Variants in PRKCH observed in about 807,000 individuals in gnomAD.
PRKCH encodes the protein protein kinase C eta.
A neutral mutation model predicts 82.5 loss-of-function variants in PRKCH; 28 were observed. The observed-to-expected ratio is 0.34, with a 90% confidence interval of 0.25 to 0.47. The LOEUF is 0.47. Among genes scored for constraint, PRKCH ranks in the 20% least tolerant of loss-of-function variants. The pLI, the probability that PRKCH is intolerant of heterozygous loss-of-function variation, is 1.00. For synonymous variants in PRKCH, 322 were observed against 327.4 expected (o/e 0.98, Z 0.18); for missense variants, 705 against 881.8 (o/e 0.80, Z 2.54).
chr14:61,337,813 T>A (rs2045878853), intron 1 of PRKCH, among the ~76,000 whole-genome samples: 1 of 152,358 alleles, frequency 6.6e-6, no homozygotes, highest in Admixed American at 6.5e-5. Flanking sequence ...CAGTTGATTT[T>A]AAGTGAAAGG....
intron 2 of PRKCH, among the ~76,000 whole-genome samples, chr14:61,426,116 TA>T (rs1455197634): frequency 6.6e-6 from 1 of 152,230 alleles, no homozygotes; most frequent in East Asian, 1.9e-4. Context: ...GAGAACAGAC[TA>T]ATACAATAAC....
At chr14:61,506,766 C>G (rs1290951510) in intron 10 of PRKCH, among the ~76,000 whole-genome samples, 1 of 152,184 alleles carries the variant, frequency 6.6e-6, no homozygotes, top group Non-Finnish European at 1.5e-5. Context: ...AAGAAAGCTC[C>G]TACAGGCAGA....
chr14:61,538,678 G>A (rs2043143790), intron 12 of PRKCH, among the ~76,000 whole-genome samples: 1 of 152,176 alleles, frequency 6.6e-6, no homozygotes, highest in African/African-American at 2.4e-5. Context: ...TTTGCTAACC[G>A]GTGTCTGTGG....
At chr14:61,265,860 T>C (rs2140082859) in intron 1 of PRKCH, among the ~76,000 whole-genome samples, 1 of 152,238 alleles carries the variant, frequency 6.6e-6, no homozygotes, top group South Asian at 2.1e-4. Context: ...TCTGGAAGGA[T>C]GAGGTAGGAG....
chr14:61,262,527 C>T (rs1239844250), intron 1 of PRKCH, among the ~76,000 whole-genome samples: 1 of 152,012 alleles, frequency 6.6e-6, no homozygotes, highest in African/African-American at 2.4e-5. Flanking sequence ...AAGAAGTCAC[C>T]TTTGGCAAAG....
intron 1 of PRKCH, among the ~76,000 whole-genome samples, chr14:61,369,954 T>A (rs2046344241): frequency 6.6e-6 from 1 of 151,984 alleles, no homozygotes. Flanking sequence ...GTATGGTTTT[T>A]TATTTTTATT....
At chr14:61,358,844 T>A (rs2046185535) in intron 1 of PRKCH, among the ~76,000 whole-genome samples, 3 of 152,162 alleles carry the variant, frequency 2.0e-5, no homozygotes, top group Non-Finnish European at 2.9e-5. Flanking sequence ...CCACCTTTGT[T>A]AGCGACACTG....
chr14:61,443,257 A>G lies in PRKCH; in HGVS notation c.574A>G (p.Ile192Val). The change falls in exon 3 of 14, where the codon ATC becomes GTC. Residue 192 changes from isoleucine to valine, a missense_variant. Ile to Val is a conservative substitution (Grantham distance 29). Around this residue, in one of 5 missense-constraint regions of PRKCH, gnomAD observed 246 missense variants for 308.0 expected, o/e 0.80. Transcript: ENST00000332981. ...CTACTGCTCTCACTGCAGGGAGTTTATCTGGTAAGGGGTTCCCTTACTTCT... is the reference window on the plus strand; with the variant it reads ...CTACTGCTCTCACTGCAGGGAGTTTGTCTGGTAAGGGGTTCCCTTACTTCT... ...PTYCSHCREF[I>V]WGVFGKQGYQ... 1 of 1,613,736 alleles carries G rather than the reference A, an allele frequency of 6.2e-7. No homozygotes were observed. Among genetic ancestry groups the G allele is most frequent in the Non-Finnish European group, 8.5e-7 (1 of 1,179,774 alleles).
chr14:61,378,419 C>T lies in PRKCH; in HGVS notation c.364-12806C>T, dbSNP rs557575722. On this transcript the variant is annotated intron_variant, in intron 1 of 13. Coordinates refer to ENST00000332981, the MANE Select transcript of PRKCH (RefSeq NM_006255.5). ...ATGGGGTCTTATTTTGTTGCTTAGG[C>T]TGTTCTGGAGCTCTGGCCTCAAGTG... 3.1e-4 allele frequency among the ~76,000 whole-genome samples: 47 copies of T among 152,038 alleles called. No homozygotes were observed. In the South Asian group the frequency reaches 9.6e-3, roughly 31 times the overall value.
intron 10 of PRKCH, among the ~76,000 whole-genome samples, chr14:61,512,000 T>A (rs1299527252): frequency 1.3e-5 from 2 of 152,152 alleles, no homozygotes; most frequent in Non-Finnish European, 2.9e-5. Context: ...TTCAAATAAT[T>A]CATGTTTTTC....
intron 2 of PRKCH, among the ~76,000 whole-genome samples, chr14:61,416,282 T>C (rs1882558155): frequency 6.6e-6 from 1 of 152,062 alleles, no homozygotes; most frequent in Admixed American, 6.6e-5. Flanking sequence ...CTTGAACTCC[T>C]GGGCTCAAGT....
intron 1 of PRKCH, among the ~76,000 whole-genome samples, chr14:61,357,189 T>C (rs2046161820): frequency 6.6e-6 from 1 of 152,202 alleles, no homozygotes; most frequent in Non-Finnish European, 1.5e-5. Context: ...TGCGTGAACT[T>C]CCAAGCTATA....
intron 2 of PRKCH, among the ~76,000 whole-genome samples, chr14:61,427,777 G>A (rs1169548426): frequency 6.6e-6 from 1 of 151,892 alleles, no homozygotes; most frequent in Non-Finnish European, 1.5e-5. Context: ...GTAGAGACAG[G>A]GTTTCATCAT....
At chr14:61,446,443 T>C (rs1004084506) in intron 4 of PRKCH, among the ~76,000 whole-genome samples, 2 of 152,220 alleles carry the variant, frequency 1.3e-5, no homozygotes, top group Admixed American at 6.5e-5. Context: ...TGGTACCTGT[T>C]TCACTATGTG....
chr14:61,414,985 C>G (rs1208082314), intron 2 of PRKCH, among the ~76,000 whole-genome samples: 1 of 152,130 alleles, frequency 6.6e-6, no homozygotes, highest in African/African-American at 2.4e-5. Flanking sequence ...TCTCATAGGG[C>G]CTTTCATCTG....
At chr14:61,497,472 T>C (rs1886720703) in intron 10 of PRKCH, among the ~76,000 whole-genome samples, 1 of 152,222 alleles carries the variant, frequency 6.6e-6, no homozygotes, top group African/African-American at 2.4e-5. Flanking sequence ...CAAACACATG[T>C]TCCAGTGACG....
intron 2 of PRKCH, among the ~76,000 whole-genome samples, chr14:61,423,591 A>C (rs1445614714): frequency 6.6e-6 from 1 of 152,180 alleles, no homozygotes; most frequent in Non-Finnish European, 1.5e-5. Flanking sequence ...GGGAGGAGTG[A>C]CATGAGTGGA....
intron 12 of PRKCH, among the ~76,000 whole-genome samples, chr14:61,536,413 G>A (rs927001419): frequency 3.3e-5 from 5 of 152,020 alleles, no homozygotes; most frequent in African/African-American, 7.2e-5. Flanking sequence ...ATCCTTTCCC[G>A]GCCTGCTGGA....
Position 61,529,145 on chromosome 14 carries a change from A to G in PRKCH, c.1504A>G (p.Lys502Glu). ...HCKLADFGMC[K>E]EGICNGVTTA... ...TAAACTGGCAGACTTCGGAATGTGC[A>G]AGGAGGGGATTTGCAATGGTGTCAC... The change falls in exon 11 of 14, where the codon AAG (lysine) becomes GAG (glutamate). Residue 502 changes from lysine to glutamate, a missense_variant. By Grantham distance (56) the Lys-to-Glu change is moderately conservative. Around this residue, in one of 5 missense-constraint regions of PRKCH, gnomAD observed 115 missense variants for 193.8 expected, o/e 0.59. Transcript: ENST00000332981. 6.2e-7 allele frequency: 1 copy of G among 1,614,028 alleles called. No homozygotes were observed. The highest frequency in any genetic ancestry group is 8.5e-7 in the Non-Finnish European group (1 of 1,179,946).
Sources: gnomAD v4.1 joint callset for allele counts (sites outside exome capture counted in the v4.1 genomes callset) on GRCh38, gnomAD v4.1.1 for gene constraint, gnomAD v4.1.1 regional missense constraint, MANE v1.5 for transcripts, NCBI Gene and HGNC (gene_info 2026-07-23, HGNC 2026-07-21) for gene names.